FIBP: variants seen among roughly 807,000 people sequenced by gnomAD.
FIBP encodes the protein acidic fibroblast growth factor intracellular-binding protein.
A neutral mutation model predicts 40.5 loss-of-function variants in FIBP; 29 were observed. The ratio of observed to expected loss-of-function variants is 0.72; its 90% CI spans 0.53 to 0.98. FIBP has a LOEUF of 0.98. Ranked by LOEUF, FIBP falls within the 50% of genes least tolerant of loss-of-function variation. The pLI, the probability that FIBP is intolerant of heterozygous loss-of-function variation, is 0.00. For synonymous variants in FIBP, 215 were observed against 191.1 expected (o/e 1.13, Z -1.03); for missense variants, 411 against 470.2 (o/e 0.87, Z 1.16).
rs1438901620 is a variant in FIBP at position 65,888,430 on chromosome 11, G to A, written c.-12C>T. 1.9e-6 allele frequency: 3 copies of A among 1,557,220 alleles called. No individual in the cohort carries two copies. The South Asian group carries it at 3.5e-5, about 18-fold the overall frequency. On this transcript the variant is annotated 5_prime_UTR_variant, in exon 1 of 10. Coordinates refer to ENST00000357519, the MANE Select transcript of FIBP (RefSeq NM_004214.5). Reference sequence around the variant, plus strand: ...AGCTCACTGGTCATGGCGACGCCCGGGGCCGCAGCGCCCCGAGCAGGAGCG... The same window carrying A: ...AGCTCACTGGTCATGGCGACGCCCGAGGCCGCAGCGCCCCGAGCAGGAGCG...
chr11:65,885,084 TG>T lies in FIBP; in HGVS notation c.748del (p.His250ThrfsTer31). The T allele has an allele frequency of 6.2e-7, 1 of 1,613,920 alleles. No individual in the cohort carries two copies. Among genetic ancestry groups the T allele is most frequent in the Non-Finnish European group, 8.5e-7 (1 of 1,179,844 alleles). On this transcript the variant is annotated frameshift_variant, in exon 6 of 10. Coordinates refer to ENST00000357519, the MANE Select transcript of FIBP (RefSeq NM_004214.5). LOFTEE classifies it high-confidence loss of function. ...TGGGCCCCTACAAGGTCACCTCTTG[TG>T]CAGGTCCAGAAGGTCCTTGTCAGCC... ...LVADKDLLDL[H>X]KSLVCTALRG...
In FIBP at chr11:65,885,166, C is replaced by T. The variant is rs761285384; in HGVS notation, c.667G>A (p.Asp223Asn). The change falls in exon 6 of 10, where the codon GAC (aspartate) becomes AAC (asparagine). Residue 223 changes from aspartate (D) to asparagine (N), a missense_variant. Asp to Asn is a conservative substitution (Grantham distance 23). Coordinates refer to ENST00000357519, the MANE Select transcript of FIBP (RefSeq NM_004214.5). ...GAVDSQMDDMDMDLDKEFLQD... is the reference protein window; with the variant it reads ...GAVDSQMDDMNMDLDKEFLQD... ...AGAAATTCCTTGTCTAAGTCCATGT[C>T]CATGTCATCCATCTGTGAGTCTGTG... The T allele has an allele frequency of 2.5e-6, 4 of 1,586,408 alleles. No homozygotes were observed. Among genetic ancestry groups the T allele is most frequent in the Non-Finnish European group, 2.6e-6 (3 of 1,155,970 alleles).
Position 65,884,310 on chromosome 11 carries a change from C to T in FIBP, c.1004+82G>A, listed in dbSNP as rs1860169479. 5.1e-5 allele frequency: 66 copies of T among 1,290,894 alleles called. 1 individual carries two copies. In the South Asian group the frequency reaches 8.2e-4, roughly 16 times the overall value. The allele number at this position is 1,290,894 out of a possible 1,614,324, so 80.0% of individuals were successfully genotyped here. A position where few individuals can be genotyped will look rare whatever the true frequency, so the allele number is the denominator to read the frequency against. ...ACCCCCAGGGTAGCAGAATGGGGAA[C>T]CTTGAGTCTGCAGGAGGCGAGGTCC... On this transcript the variant is annotated intron_variant, in intron 9 of 9. Transcript: ENST00000357519.
chr11:65,884,451 G>C lies in FIBP; in HGVS notation c.945C>G (p.Ser315Arg). 6.2e-7 allele frequency: 1 copy of C among 1,614,178 alleles called. No homozygotes were observed. Among genetic ancestry groups the C allele is most frequent in the Non-Finnish European group, 8.5e-7 (1 of 1,180,036 alleles). ...ACTGATTCAGGAAGAACCGCACGTC[G>C]CTGAGTGGCCAGTGGTCGGAGCGGC... ...EPCRSDHWPL[S>R]DVRFFLNQYS... is the part of the protein sequence containing the mutation. The change falls in exon 9 of 10, where the codon AGC (serine) becomes AGG (arginine). Residue 315 changes from serine (S) to arginine (R), a missense_variant. Physicochemically the swap from Ser to Arg is moderately radical, Grantham distance 110. Coordinates refer to ENST00000357519, the MANE Select transcript of FIBP (RefSeq NM_004214.5).
chr11:65,887,446 G>GGA (rs1555046447), intron 3 of FIBP, 154 bp downstream of exon 3: 9 of 636,562 alleles, frequency 1.4e-5, no homozygotes, highest in African/African-American at 2.5e-5. Flanking sequence ...ACTCCATCTC[G>GGA]AAAAAAAAAA....
At chr11:65,884,329 G>A (rs765308549) in intron 9 of FIBP, 63 bp downstream of exon 9, 18 of 1,456,160 alleles carry the variant, frequency 1.2e-5, no homozygotes, top group Middle Eastern at 3.9e-4. Flanking sequence ...TGCAGGAGGC[G>A]AGGTCCTGGC....
At chr11:65,885,415 G>A in intron 5 of FIBP, 115 bp downstream of exon 5, 5 of 1,302,840 alleles carry the variant, frequency 3.8e-6, no homozygotes, top group Non-Finnish European at 5.3e-6. Flanking sequence ...CTGGGTGGGG[G>A]CCATGAACAG....
intron 1 of FIBP, 70 bp downstream of exon 1, chr11:65,888,264 T>G (rs1009465603): frequency 6.7e-7 from 1 of 1,496,760 alleles, no homozygotes; most frequent in East Asian, 2.5e-5. Context: ...GCCCAAGTCT[T>G]AGCCCCGCCC....
intron 4 of FIBP, 118 bp from the exon 5 acceptor site, chr11:65,885,781 T>G: frequency 9.9e-7 from 1 of 1,012,388 alleles, no homozygotes; most frequent in Non-Finnish European, 1.5e-6. Context: ...CAAGTCACTG[T>G]GTGACGTGTC....
At chr11:65,887,506 G>A in intron 3 of FIBP, 94 bp downstream of exon 3, 2 of 1,353,172 alleles carry the variant, frequency 1.5e-6, no homozygotes, top group Non-Finnish European at 2.1e-6. Flanking sequence ...GTATGAAGCT[G>A]CTGCCACAAT....
intron 2 of FIBP, 26 bp from the exon 3 acceptor site, chr11:65,887,752 A>G (rs767883453): frequency 6.2e-7 from 1 of 1,609,842 alleles, no homozygotes; most frequent in South Asian, 1.1e-5. Flanking sequence ...AACACCATTG[A>G]CCCTCCATAA....
Position 65,884,925 on chromosome 11 carries a change from G to A in FIBP, c.819+10C>T. ...ATGCCAAGGGTCAGAGGCTGGATGGGACCACAGACCTTGAAGTTGGCTTCC... is the reference window on the plus strand; with the variant it reads ...ATGCCAAGGGTCAGAGGCTGGATGGAACCACAGACCTTGAAGTTGGCTTCC... On this transcript the variant is annotated intron_variant, in intron 7 of 9. Transcript: ENST00000357519. 6.2e-7 allele frequency: 1 copy of A among 1,613,988 alleles called. No individual in the cohort carries two copies.
At chr11:65,887,843 A>G in intron 2 of FIBP, 91 bp downstream of exon 2, 1 of 1,584,812 alleles carries the variant, frequency 6.3e-7, no homozygotes. Flanking sequence ...ATGGCTGGGT[A>G]AATCCCATCC....
chr11:65,884,725 G>A, intron 7 of FIBP, 69 bp from the exon 8 acceptor site: 2 of 1,529,894 alleles, frequency 1.3e-6, no homozygotes, highest in South Asian at 1.1e-5. Flanking sequence ...CAGAAGCTGG[G>A]GGAGGAGGAG....
Position 65,888,415 on chromosome 11 carries a change from T to C in FIBP, c.4A>G (p.Thr2Ala). M[T>A]SELDIFVGNT... ...CCCACGAAGATGTCCAGCTCACTGG[T>C]CATGGCGACGCCCGGGGCCGCAGCG... The change falls in exon 1 of 10, where the codon ACC becomes GCC. Residue 2 changes from threonine (T) to alanine (A), a missense_variant. By Grantham distance (58) the Thr-to-Ala change is moderately conservative. Transcript: ENST00000357519. 6.4e-7 allele frequency: 1 copy of C among 1,564,456 alleles called. No homozygotes were observed. Among genetic ancestry groups the C allele is most frequent in the Non-Finnish European group, 8.7e-7 (1 of 1,154,204 alleles).
chr11:65,884,938 G>C lies in FIBP; in HGVS notation c.816C>G (p.Phe272Leu), dbSNP rs559273110. ...LGVFSEMEANFKNLSRGLVNV... is the reference protein window; with the variant it reads ...LGVFSEMEANLKNLSRGLVNV... ...GAGGCTGGATGGGACCACAGACCTTGAAGTTGGCTTCCATCTCAGAGAAGA... is the reference window on the plus strand; with the variant it reads ...GAGGCTGGATGGGACCACAGACCTTCAAGTTGGCTTCCATCTCAGAGAAGA... The change falls in exon 7 of 10, where the codon TTC becomes TTG. Residue 272 changes from phenylalanine to leucine, a missense_variant. Transcript: ENST00000357519. 1 of 1,614,180 alleles carries C rather than the reference G, an allele frequency of 6.2e-7. No homozygotes were observed. The highest frequency in any genetic ancestry group is 1.7e-5 in the Admixed American group (1 of 60,022).
rs1373649746 is a variant in FIBP, at chr11:65,887,958, G to A, written c.260C>T (p.Ser87Phe). 2 of 1,613,724 alleles carry A rather than the reference G, an allele frequency of 1.2e-6. No homozygotes were observed. Among genetic ancestry groups the A allele is most frequent in the South Asian group, 1.1e-5 (1 of 91,012 alleles). ...CCTCTCGATGAGTAGTGCCTGCCGG[G>A]AGGGCGGAATCTGGAAGATGAGCTG... ...LHQLIFQIPPSRQALLIERYY... is the reference protein window; with the variant it reads ...LHQLIFQIPPFRQALLIERYY... The change falls in exon 2 of 10, where the codon TCC (serine) becomes TTC (phenylalanine). Residue 87 changes from serine to phenylalanine, a missense_variant. Coordinates refer to ENST00000357519, the MANE Select transcript of FIBP (RefSeq NM_004214.5).
chr11:65,885,780 G>T, intron 4 of FIBP, 117 bp from the exon 5 acceptor site: 1 of 1,008,194 alleles, frequency 9.9e-7, no homozygotes, highest in Non-Finnish European at 1.5e-6. Flanking sequence ...TCAAGTCACT[G>T]TGTGACGTGT....
Position 65,885,536 on chromosome 11 carries a change from C to G in FIBP, c.640G>C (p.Ala214Pro). The G allele has an allele frequency of 6.2e-7, 1 of 1,613,840 alleles. No homozygotes were observed. The highest frequency in any genetic ancestry group is 1.7e-5 in the Admixed American group (1 of 59,952). Reference sequence around the variant, plus strand: ...GGGTCAGTGGGGGCCTCACCGACGGCTCCAAGGGTCCAGTTTTGGATCATG... The same window carrying G: ...GGGTCAGTGGGGGCCTCACCGACGGGTCCAAGGGTCCAGTTTTGGATCATG... ...ELMIQNWTLG[A>P]VDSQMDDMDM... is the part of the protein sequence containing the mutation. The change falls in exon 5 of 10, where the codon GCC (alanine) becomes CCC (proline). Residue 214 changes from alanine to proline, a missense_variant. By Grantham distance (27) the Ala-to-Pro change is conservative. Coordinates refer to ENST00000357519, the MANE Select transcript of FIBP (RefSeq NM_004214.5).
Sources: gnomAD v4.1 joint callset for allele counts on GRCh38, gnomAD v4.1.1 for gene constraint, MANE v1.5 for transcripts, NCBI Gene and HGNC (gene_info 2026-07-23, HGNC 2026-07-21) for gene names.